MYO1E: variants seen among roughly 807,000 people sequenced by gnomAD.
MYO1E encodes unconventional myosin-Ie.
A neutral mutation model predicts 151.1 loss-of-function variants in MYO1E; 68 were observed. That is an observed-to-expected ratio of 0.45 (90% CI 0.37 to 0.55). The LOEUF (loss-of-function observed/expected upper bound fraction) is 0.55. MYO1E is among the 20% of genes least tolerant of loss of function. MYO1E has a pLI of 0.00. For missense variants in MYO1E, 1,363 were observed against 1,389.3 expected (o/e 0.98, Z 0.30); for synonymous variants, 601 against 501.7 (o/e 1.20, Z -2.64).
intron 16 of MYO1E, 50 bp downstream of exon 16, chr15:59,202,276 A>G (rs2079806847): frequency 1.3e-6 from 2 of 1,533,830 alleles, no homozygotes; most frequent in Non-Finnish European, 9.0e-7. Context: ...TTACTCCTAG[A>G]AAGCGCTAGC....
At chr15:59,263,061 C>T (rs556391656) in intron 2 of MYO1E, among the ~76,000 whole-genome samples, 1 of 152,166 alleles carries the variant, frequency 6.6e-6, no homozygotes, top group African/African-American at 2.4e-5. Context: ...ACATTCAAAA[C>T]TGTTTCTTTC....
At chr15:59,244,926 T>C (rs2080120821) in intron 4 of MYO1E, among the ~76,000 whole-genome samples, 1 of 152,184 alleles carries the variant, frequency 6.6e-6, no homozygotes, top group Admixed American at 6.5e-5. Context: ...ATAAAGGAAT[T>C]TTAGCAACCA....
chr15:59,161,902 T>C (rs1321895697), intron 23 of MYO1E, among the ~76,000 whole-genome samples: 1 of 152,230 alleles, frequency 6.6e-6, no homozygotes, highest in Non-Finnish European at 1.5e-5. Context: ...AAAATCATAA[T>C]TTTAAGTAGC....
At chr15:59,360,385 G>A (rs1463511517) in intron 1 of MYO1E, among the ~76,000 whole-genome samples, 1 of 152,128 alleles carries the variant, frequency 6.6e-6, no homozygotes, top group Non-Finnish European at 1.5e-5. Flanking sequence ...TTGTCTGTGT[G>A]TGGAATGTCT....
chr15:59,182,873 T>C (rs1379766598), intron 18 of MYO1E, among the ~76,000 whole-genome samples: 1 of 152,172 alleles, frequency 6.6e-6, no homozygotes, highest in Non-Finnish European at 1.5e-5. Context: ...AGATAATTTT[T>C]CTATGGACGG....
chr15:59,288,801 G>T (rs183808299), intron 1 of MYO1E, among the ~76,000 whole-genome samples: 1 of 152,284 alleles, frequency 6.6e-6, no homozygotes, highest in Admixed American at 6.5e-5. Context: ...CTGAGAATAG[G>T]GATCCGCCAC....
chr15:59,372,518 T>G lies in MYO1E; in HGVS notation c.-18A>C, dbSNP rs2140449044. The stretch of plus-strand genomic sequence containing the variant: ...CTCACCATGGTGACTCGCGCCGCGG[T>G]CGCGTCTTCGCCGGGTCCCGCTGCC... On this transcript the variant is annotated 5_prime_UTR_variant, in exon 1 of 28. Coordinates refer to ENST00000288235, the MANE Select transcript of MYO1E (RefSeq NM_004998.4). 1.3e-6 allele frequency: 2 copies of G among 1,535,632 alleles called. No homozygotes were observed. The highest frequency in any genetic ancestry group is 1.4e-5 in the African/African-American group (1 of 72,816).
At chr15:59,193,787 G>C (rs1233103172) in intron 17 of MYO1E, among the ~76,000 whole-genome samples, 2 of 152,156 alleles carry the variant, frequency 1.3e-5, no homozygotes, top group African/African-American at 4.8e-5. Context: ...TAGCAAGTAT[G>C]AGCTCCTCAT....
At chr15:59,202,189 G>A (rs937484791) in intron 16 of MYO1E, 137 bp downstream of exon 16, 28 of 736,906 alleles carry the variant, frequency 3.8e-5, no homozygotes, top group Middle Eastern at 3.0e-4. Context: ...AACAAGCAGC[G>A]ATGTTACTTC....
chr15:59,245,223 T>C (rs1047521977), intron 4 of MYO1E, among the ~76,000 whole-genome samples: 8 of 152,192 alleles, frequency 5.3e-5, no homozygotes, highest in African/African-American at 1.7e-4. Context: ...GAAGATAGCT[T>C]GAGAATCCGG....
intron 22 of MYO1E, among the ~76,000 whole-genome samples, chr15:59,170,315 G>A (rs147596515): frequency 6.6e-5 from 10 of 152,254 alleles, no homozygotes; most frequent in South Asian, 2.1e-4. Flanking sequence ...TCGGCACAGC[G>A]ACTACACACA....
intron 5 of MYO1E, among the ~76,000 whole-genome samples, chr15:59,232,897 T>C (rs1487466673): frequency 2.6e-5 from 4 of 152,082 alleles, no homozygotes; most frequent in African/African-American, 9.7e-5. Flanking sequence ...GAAACTGCCA[T>C]GAGAAATGAG....
At chr15:59,206,992 G>A in intron 14 of MYO1E, 6 of 1,614,152 alleles carry the variant, frequency 3.7e-6, no homozygotes, top group Non-Finnish European at 5.1e-6. Flanking sequence ...GAGCTCGGTG[G>A]GAGCGAATTT....
At chr15:59,182,365 A>G (rs533409884) in intron 18 of MYO1E, among the ~76,000 whole-genome samples, 2 of 152,110 alleles carry the variant, frequency 1.3e-5, no homozygotes, top group African/African-American at 4.8e-5. Context: ...GGCACCCGGC[A>G]CCATGCCTGG....
chr15:59,345,985 TC>T (rs1201187834), intron 1 of MYO1E, among the ~76,000 whole-genome samples: 1 of 152,234 alleles, frequency 6.6e-6, no homozygotes, highest in African/African-American at 2.4e-5. Context: ...AGGTAGTACT[TC>T]CGAATGCATG....
rs991803773 is a variant in MYO1E at position 59,134,319 on chromosome 15, C to T, written c.*3061G>A. 6.6e-6 allele frequency: 1 copy of T among 152,250 alleles called. No individual in the cohort carries two copies. Among genetic ancestry groups the T allele is most frequent in the Non-Finnish European group, 1.5e-5 (1 of 68,050 alleles). The allele number at this position is 152,250 out of a possible 1,614,324, so 9.4% of individuals were successfully genotyped here. A position where few individuals can be genotyped will look rare whatever the true frequency, so the allele number is the denominator to read the frequency against. ...TGGGGAGCAAGCTTATTCAAGAAGG[C>T]TTCACCCTTTGTCCTCTCCACATGT... On this transcript the variant is annotated 3_prime_UTR_variant, in exon 28 of 28. Transcript: ENST00000288235.
intron 10 of MYO1E, among the ~76,000 whole-genome samples, chr15:59,216,652 GTGTGTGTGTA>G (rs1166178733): frequency 3.8e-5 from 1 of 26,222 alleles, no homozygotes; most frequent in Non-Finnish European, 1.1e-4. Flanking sequence ...CAGTGTGTGT[GTGTGTGTGTA>G]TGTGTATATA....
intron 18 of MYO1E, among the ~76,000 whole-genome samples, chr15:59,181,597 T>G (rs1338772799): frequency 6.6e-6 from 1 of 152,250 alleles, no homozygotes; most frequent in Non-Finnish European, 1.5e-5. Flanking sequence ...CTTTTGATTT[T>G]TGCTCTCCAA....
chr15:59,309,245 A>G (rs1352497715), intron 1 of MYO1E, among the ~76,000 whole-genome samples: 1 of 152,202 alleles, frequency 6.6e-6, no homozygotes, highest in Non-Finnish European at 1.5e-5. Flanking sequence ...ACTGATGTCT[A>G]TCCTCAGAGT....
Sources: allele counts gnomAD v4.1 joint callset (sites outside exome capture counted in the v4.1 genomes callset), GRCh38; gene constraint gnomAD v4.1.1; transcripts MANE v1.5; gene names NCBI Gene and HGNC (gene_info 2026-07-23, HGNC 2026-07-21).